The following ARFGEF3 variants were observed in gnomAD, a reference collection of about 807,000 sequenced individuals.
ARFGEF3 encodes the protein ARFGEF family member 3.
A neutral mutation model predicts 221.7 loss-of-function variants in ARFGEF3; 96 were observed. The observed-to-expected ratio is 0.43, with a 90% CI of 0.37 to 0.51. The LOEUF (loss-of-function observed/expected upper bound fraction) is 0.51. ARFGEF3 is among the 20% of genes least tolerant of loss of function. The pLI is 0.00. For missense variants in ARFGEF3, 2,410 were observed against 2,789.9 expected (o/e 0.86, Z 3.07); for synonymous variants, 1,145 against 1,126.8 (o/e 1.02, Z -0.32).
At chr6:138,324,945 T>C (rs1489160372) in intron 31 of ARFGEF3, among the ~76,000 whole-genome samples, 4 of 152,218 alleles carry the variant, frequency 2.6e-5, no homozygotes, top group Non-Finnish European at 5.9e-5. Flanking sequence ...AATTCACATA[T>C]ATTCATAACC....
Position 138,334,208 on chromosome 6 carries a change from C to A in ARFGEF3, c.5362C>A (p.Pro1788Thr). 3.1e-6 allele frequency: 5 copies of A among 1,613,912 alleles called. No homozygotes were observed. The highest frequency in any genetic ancestry group is 1.1e-5 in the South Asian group (1 of 91,074). Residue 1788 changes from proline to threonine, a missense_variant, in exon 33 of 34, where the codon CCC becomes ACC. By Grantham distance (38) the Pro-to-Thr change is conservative. Transcript: ENST00000251691. The surrounding 1 kb of genome is among the most constrained non-coding windows in gnomAD (Gnocchi z 5.1). ...YRTAREFDTS[P>T]GLKCLLKKVS... ...GACTGCCAGGGAGTTTGACACCAGC[C>A]CCGGGCTGAAGTGCCTGCTGAAGAA... is the stretch of plus-strand genomic sequence containing the variant.
At chr6:138,243,760 AT>A (rs559279782) in intron 7 of ARFGEF3, among the ~76,000 whole-genome samples, 39 of 152,182 alleles carry the variant, frequency 2.6e-4, no homozygotes, top group Non-Finnish European at 4.9e-4. Flanking sequence ...AAACAGCTTA[AT>A]AGCCACAATT....
Position 138,255,552 on chromosome 6 carries a change from C to T in ARFGEF3, c.887C>T (p.Pro296Leu), listed in dbSNP as rs149093306. The change falls in exon 10 of 34, where the codon CCG becomes CTG. Residue 296 changes from proline to leucine, a missense_variant. Pro to Leu is a moderately conservative substitution (Grantham distance 98). Transcript: ENST00000251691. ...AGCCTGGAGTCGGACTCTGCGTCTCCGGGAGTGTCTGACCACGGCCGAGGA... is the reference window on the plus strand; with the variant it reads ...AGCCTGGAGTCGGACTCTGCGTCTCTGGGAGTGTCTGACCACGGCCGAGGA... ...STSLESDSAS[P>L]GVSDHGRGSG... 8.7e-6 allele frequency: 14 copies of T among 1,613,916 alleles called. No individual in the cohort carries two copies. The highest frequency in any genetic ancestry group is 2.2e-5 in the East Asian group (1 of 44,904).
At chr6:138,266,808 C>G (rs991519438) in intron 12 of ARFGEF3, among the ~76,000 whole-genome samples, 1 of 139,836 alleles carries the variant, frequency 7.2e-6, no homozygotes, top group Non-Finnish European at 1.5e-5. Context: ...AAGATCGCAC[C>G]ACTGCACTCC....
rs73774693 is a variant in ARFGEF3 at position 138,225,567 on chromosome 6, G to A, written c.352-4217G>A. Among the ~76,000 whole-genome samples, 1,175 of 152,310 alleles carry A rather than the reference G, an allele frequency of 7.7e-3. 11 individuals carry two copies. The highest frequency in any genetic ancestry group is 0.026 in the African/African-American group (1,073 of 41,570). On this transcript the variant is annotated intron_variant, in intron 4 of 33. Coordinates refer to ENST00000251691, the MANE Select transcript of ARFGEF3 (RefSeq NM_020340.5). The stretch of plus-strand genomic sequence containing the variant: ...CATTCATTTCTCCAATAGACGGTGC[G>A]AGTTTTTTTGATGTCAAAGACTGTG...
intron 22 of ARFGEF3, among the ~76,000 whole-genome samples, chr6:138,300,486 C>T (rs1779610109): frequency 6.6e-6 from 1 of 152,140 alleles, no homozygotes. Context: ...AAGACACTGA[C>T]ATACTATAGG....
At chr6:138,243,031 G>A (rs1273524161) in intron 7 of ARFGEF3, 37 bp downstream of exon 7, 1 of 1,562,290 alleles carries the variant, frequency 6.4e-7, no homozygotes, top group Non-Finnish European at 8.8e-7. Flanking sequence ...AGTTTTTAAA[G>A]CAGGTGTGAG....
At chr6:138,228,451 T>C (rs901500093) in intron 4 of ARFGEF3, among the ~76,000 whole-genome samples, 10 of 151,894 alleles carry the variant, frequency 6.6e-5, no homozygotes, top group African/African-American at 2.4e-4. Flanking sequence ...CTTTGCAAAG[T>C]GCTGGGATTA....
intron 5 of ARFGEF3, among the ~76,000 whole-genome samples, chr6:138,233,346 G>A (rs996670880): frequency 1.3e-5 from 2 of 151,952 alleles, no homozygotes; most frequent in African/African-American, 4.8e-5. Flanking sequence ...AGATTGGGCT[G>A]GTTTATAGCT....
intron 22 of ARFGEF3, among the ~76,000 whole-genome samples, chr6:138,306,023 G>A (rs1225813859): frequency 6.6e-6 from 1 of 152,014 alleles, no homozygotes; most frequent in Non-Finnish European, 1.5e-5. Context: ...AAGACATCAA[G>A]GTTTGAAACG....
intron 32 of ARFGEF3, among the ~76,000 whole-genome samples, chr6:138,329,669 C>A (rs4896344): frequency 0.15 from 22,807 of 152,070 alleles, 2,967 homozygotes; most frequent in African/African-American, 0.36. Context: ...GTCTCAAAAA[C>A]CAAACAAACA....
chr6:138,280,558 G>A (rs6915014), intron 14 of ARFGEF3, among the ~76,000 whole-genome samples: 10,587 of 152,204 alleles, frequency 0.07, 1,200 homozygotes, highest in African/African-American at 0.24. Context: ...TGATTTTAAA[G>A]TTGGCTTCCT....
At position 138,341,167 on chromosome 6, in the gene ARFGEF3, T is replaced by A. The variant is rs551681048; in HGVS notation, c.*4681T>A. 5 of 152,828 alleles carry A rather than the reference T, an allele frequency of 3.3e-5. No individual in the cohort carries two copies. Among genetic ancestry groups the A allele is most frequent in the African/African-American group, 1.2e-4 (5 of 41,598 alleles). 9.5% of individuals were successfully genotyped at this position (152,828 alleles called of 1,614,324 possible). ...TAAACCTTTTTCAAATATCATTTAA[T>A]CAACTCAGAATAAAGTGCCCTGTAG... is the stretch of plus-strand genomic sequence containing the variant. On this transcript the variant is annotated 3_prime_UTR_variant, in exon 34 of 34. Coordinates refer to ENST00000251691, the MANE Select transcript of ARFGEF3 (RefSeq NM_020340.5).
chr6:138,214,897 G>C (rs1324064269), intron 4 of ARFGEF3, among the ~76,000 whole-genome samples: 1 of 152,194 alleles, frequency 6.6e-6, no homozygotes, highest in Non-Finnish European at 1.5e-5. Context: ...GGGAGAAAAG[G>C]CAAGTTTGAT....
intron 23 of ARFGEF3, among the ~76,000 whole-genome samples, chr6:138,307,931 C>T (rs9402968): frequency 0.19 from 29,621 of 152,048 alleles, 3,173 homozygotes; most frequent in East Asian, 0.45. Context: ...GTTTTAGCAA[C>T]GTAGGAAGGA....
intron 25 of ARFGEF3, among the ~76,000 whole-genome samples, chr6:138,312,333 G>A (rs1195329885): frequency 1.3e-5 from 2 of 152,012 alleles, no homozygotes; most frequent in Non-Finnish European, 2.9e-5. Flanking sequence ...CTCAGGTGGT[G>A]TCCCTGGATC....
rs1403837809 is a variant in ARFGEF3 at position 138,314,078 on chromosome 6, G to A, written c.4345+139G>A. Reference sequence around the variant, plus strand: ...CTGCTATAAGAGAATACTTGAGAGTGATAAATAGCAGATTTATTTCTTACA... The same window carrying A: ...CTGCTATAAGAGAATACTTGAGAGTAATAAATAGCAGATTTATTTCTTACA... On this transcript the variant is annotated intron_variant, in intron 26 of 33. Transcript: ENST00000251691. 7 of 913,708 alleles carry A rather than the reference G, an allele frequency of 7.7e-6. No homozygotes were observed. The East Asian group carries it at 1.9e-4, about 25-fold the overall frequency. 56.6% of individuals were successfully genotyped at this position (913,708 alleles called of 1,614,324 possible).
intron 22 of ARFGEF3, among the ~76,000 whole-genome samples, chr6:138,300,878 A>G (rs1779617544): frequency 6.6e-6 from 1 of 152,244 alleles, no homozygotes; most frequent in South Asian, 2.1e-4. Flanking sequence ...AGATTAAGGT[A>G]ATCTGAGATT....
intron 2 of ARFGEF3, among the ~76,000 whole-genome samples, chr6:138,190,649 C>A (rs530502540): frequency 3.3e-5 from 5 of 152,276 alleles, no homozygotes; most frequent in African/African-American, 1.2e-4. Flanking sequence ...TCTTCTGGAG[C>A]CCACGTTCCT....
Sources: allele counts gnomAD v4.1 joint callset (sites outside exome capture counted in the v4.1 genomes callset), GRCh38; gene constraint gnomAD v4.1.1; non-coding constraint Gnocchi (gnomAD v3.1); transcripts MANE v1.5; gene names NCBI Gene and HGNC (gene_info 2026-07-23, HGNC 2026-07-21).